The following KAZN variants were observed in gnomAD, a reference collection of about 807,000 sequenced individuals.
KAZN encodes kazrin, periplakin interacting protein.
Under a neutral mutation model 87.4 loss-of-function variants are expected in KAZN, and 40 were observed. The ratio of observed to expected loss-of-function variants is 0.46; its 90% CI spans 0.36 to 0.60. The LOEUF is 0.60. Among genes scored for constraint, KAZN ranks in the 20% least tolerant of loss-of-function variants. The pLI, the probability that KAZN is intolerant of heterozygous loss-of-function variation, is 0.00. For missense variants in KAZN, 898 were observed against 1,073.9 expected (o/e 0.84, Z 2.29); for synonymous variants, 466 against 458.3 (o/e 1.02, Z -0.22).
intron 2 of KAZN, among the ~76,000 whole-genome samples, chr1:15,032,947 T>TA (rs200734145): frequency 1.2e-4 from 18 of 147,202 alleles, no homozygotes; most frequent in East Asian, 5.9e-4. Flanking sequence ...AGACTCTGTC[T>TA]AAAAAAAAAG....
chr1:14,359,056 T>G, intron 2 of KAZN, among the ~76,000 whole-genome samples: 1 of 152,294 alleles, frequency 6.6e-6, no homozygotes, highest in East Asian at 1.9e-4. Context: ...TGTGGGAGTC[T>G]AAGTCTCTTT....
At chr1:14,281,759 G>T (rs1257953610) in intron 2 of KAZN, among the ~76,000 whole-genome samples, 1 of 152,166 alleles carries the variant, frequency 6.6e-6, no homozygotes, top group African/African-American at 2.4e-5. Flanking sequence ...ATAAAGAAAT[G>T]AACAACAGAG....
intron 2 of KAZN, among the ~76,000 whole-genome samples, chr1:14,423,745 C>A (rs1324507784): frequency 1.3e-5 from 2 of 152,210 alleles, no homozygotes; most frequent in Non-Finnish European, 2.9e-5. Context: ...CCCTTAAAGA[C>A]CTCACTTCCA....
chr1:14,034,269 T>C (rs1016146854), intron 1 of KAZN, among the ~76,000 whole-genome samples: 1 of 152,092 alleles, frequency 6.6e-6, no homozygotes, highest in Non-Finnish European at 1.5e-5. Context: ...GGATACAAGC[T>C]GGTGTTTCCT....
At chr1:14,308,498 A>G (rs979311954) in intron 2 of KAZN, among the ~76,000 whole-genome samples, 9 of 152,244 alleles carry the variant, frequency 5.9e-5, no homozygotes, top group Non-Finnish European at 1.2e-4. Context: ...AGTTTCATGA[A>G]CAATTCTTGT....
rs1650129334 is a variant in KAZN, at chr1:14,856,550, A to T, written c.227-104134A>T. 6.6e-6 allele frequency among the ~76,000 whole-genome samples: 1 copy of T among 152,230 alleles called. No individual in the cohort carries two copies. Among genetic ancestry groups the T allele is most frequent in the Non-Finnish European group, 1.5e-5 (1 of 68,028 alleles). Reference sequence around the variant, plus strand: ...ATAAATGCTCATTAATATGAACACTATGTTCATTAGTATAAAACATTCCAT... The same window carrying T: ...ATAAATGCTCATTAATATGAACACTTTGTTCATTAGTATAAAACATTCCAT... On this transcript the variant is annotated intron_variant, in intron 1 of 14. Transcript: ENST00000376030. This position sits in a 1 kb window ranked among gnomAD's most constrained non-coding sequence, Gnocchi z 5.2.
intron 1 of KAZN, among the ~76,000 whole-genome samples, chr1:14,818,453 T>A (rs1371173698): frequency 6.6e-6 from 1 of 152,210 alleles, no homozygotes; most frequent in Non-Finnish European, 1.5e-5. Context: ...CGATACCACC[T>A]CTACTTCTTC....
chr1:15,098,872 A>G (rs1455198079), intron 10 of KAZN, among the ~76,000 whole-genome samples: 1 of 152,238 alleles, frequency 6.6e-6, no homozygotes, highest in Non-Finnish European at 1.5e-5. Flanking sequence ...GTGAACTCAG[A>G]GCCTGAAGGG....
intron 1 of KAZN, among the ~76,000 whole-genome samples, chr1:13,983,411 A>G (rs1265917482): frequency 6.6e-6 from 1 of 152,190 alleles, no homozygotes; most frequent in Non-Finnish European, 1.5e-5. Context: ...CCCGGGTGCT[A>G]AGTCCCTCAT....
chr1:14,434,089 G>T (rs1414823332), intron 2 of KAZN, among the ~76,000 whole-genome samples: 1 of 152,198 alleles, frequency 6.6e-6, no homozygotes, highest in Non-Finnish European at 1.5e-5. Flanking sequence ...GTATTTTGTT[G>T]TGGCTGCCCA....
At position 14,234,606 on chromosome 1, in the gene KAZN, A is replaced by G. The variant is rs569687950; in HGVS notation, c.249+54014A>G. Among the ~76,000 whole-genome samples the G allele has an allele frequency of 2.6e-5, 4 of 152,244 alleles. No homozygotes were observed. In the South Asian group the frequency reaches 8.3e-4, roughly 32 times the overall value. On this transcript the variant is annotated intron_variant, in intron 2 of 16. Coordinates refer to the KAZN transcript ENST00000636203. ...TGAAGAGTGAGAACATTCCAAACTAATTTTCCAATTGAACATGAAGATCTG... is the reference window on the plus strand; with the variant it reads ...TGAAGAGTGAGAACATTCCAAACTAGTTTTCCAATTGAACATGAAGATCTG...
At chr1:14,463,893 C>T (rs1261472337) in intron 2 of KAZN, among the ~76,000 whole-genome samples, 1 of 152,206 alleles carries the variant, frequency 6.6e-6, no homozygotes, top group Non-Finnish European at 1.5e-5. Context: ...TATGGTGACC[C>T]AGGCATTCCC....
At chr1:13,901,089 C>A (rs1379803374) in intron 1 of KAZN, among the ~76,000 whole-genome samples, 2 of 150,806 alleles carry the variant, frequency 1.3e-5, no homozygotes, top group Admixed American at 1.3e-4. Flanking sequence ...AACATTTTTT[C>A]TTTTCTTGAT....
intron 1 of KAZN, among the ~76,000 whole-genome samples, chr1:14,900,327 G>A (rs1346311890): frequency 6.6e-6 from 1 of 152,164 alleles, no homozygotes; most frequent in South Asian, 2.1e-4. Flanking sequence ...AGGGGTGAGA[G>A]CCCTGGCTGT....
At chr1:15,098,848 A>C (rs549099672) in intron 10 of KAZN, among the ~76,000 whole-genome samples, 3 of 152,368 alleles carry the variant, frequency 2.0e-5, no homozygotes, top group African/African-American at 7.2e-5. Context: ...ACTATGAGAC[A>C]AACACTGGTG....
At chr1:14,410,617 T>A (rs533908985) in intron 2 of KAZN, among the ~76,000 whole-genome samples, 8 of 152,288 alleles carry the variant, frequency 5.3e-5, no homozygotes, top group African/African-American at 1.7e-4. Flanking sequence ...GATCTTGAGA[T>A]GGAATTCATA....
At chr1:13,954,291 G>A (rs1275679203) in intron 1 of KAZN, among the ~76,000 whole-genome samples, 1 of 152,224 alleles carries the variant, frequency 6.6e-6, no homozygotes, top group East Asian at 1.9e-4. Context: ...TCATGTGTCT[G>A]CATTGGCATT....
At position 15,094,249 on chromosome 1, in the gene KAZN, G is replaced by C; in HGVS notation, c.1292G>C (p.Arg431Pro). Reference protein sequence around the residue: ...SLSEGEEQMDRLQQVELVRTT... With the variant: ...SLSEGEEQMDPLQQVELVRTT... ...TCGGAAGGCGAGGAGCAGATGGACCGGCTGCAGCAGGTGGAGCTGGTGAGG... is the reference window on the plus strand; with the variant it reads ...TCGGAAGGCGAGGAGCAGATGGACCCGCTGCAGCAGGTGGAGCTGGTGAGG... Residue 431 changes from arginine to proline, a missense_variant, in exon 9 of 15, where the codon CGG (arginine) becomes CCG (proline). Physicochemically the swap from Arg to Pro is moderately radical, Grantham distance 103. Around this residue, in one of 3 missense-constraint regions of KAZN, gnomAD observed 521 missense variants for 689.4 expected, o/e 0.76. Coordinates refer to ENST00000376030, the MANE Select transcript of KAZN (RefSeq NM_201628.3). The surrounding 1 kb of genome is among the most constrained non-coding windows in gnomAD (Gnocchi z 4.5). The C allele has an allele frequency of 6.2e-7, 1 of 1,613,940 alleles. No homozygotes were observed. Among genetic ancestry groups the C allele is most frequent in the South Asian group, 1.1e-5 (1 of 91,086 alleles).
At chr1:14,726,035 G>A (rs535077475) in intron 1 of KAZN, among the ~76,000 whole-genome samples, 64 of 152,334 alleles carry the variant, frequency 4.2e-4, no homozygotes, top group African/African-American at 1.5e-3. Context: ...GAATGTCTGT[G>A]TTGGTGACAG....
Sources: allele counts gnomAD v4.1 joint callset (sites outside exome capture counted in the v4.1 genomes callset), GRCh38; gene constraint gnomAD v4.1.1; regional missense constraint gnomAD v4.1.1; non-coding constraint Gnocchi (gnomAD v3.1); transcripts MANE v1.5; gene names NCBI Gene and HGNC (gene_info 2026-07-23, HGNC 2026-07-21).